Variants in ZC3H12B observed in about 807,000 individuals in gnomAD.
The protein encoded by ZC3H12B is zinc finger CCCH-type containing 12B.
ZC3H12B carries 7 observed loss-of-function variants against 43.9 expected under a neutral mutation model. The ratio of observed to expected loss-of-function variants is 0.16; its 90% CI spans 0.09 to 0.30. The LOEUF is 0.30. Ranked by LOEUF, ZC3H12B falls within the 10% of genes least tolerant of loss-of-function variation. The probability of loss-of-function intolerance (pLI) is 1.00; values close to 1 mark genes in which losing one functional copy is unlikely to be tolerated. For missense variants in ZC3H12B, 475 were observed against 670.2 expected (o/e 0.71, Z 3.22); for synonymous variants, 222 against 241.7 (o/e 0.92, Z 0.76).
chrX:65,489,462 A>G, intron 1 of ZC3H12B, 53 bp downstream of exon 6: 2 of 1,131,679 alleles, frequency 1.8e-6, no homozygotes, highest in Non-Finnish European at 1.2e-6. Context: ...CTGAGCTCAT[A>G]GAAATTTTCT....
the ZC3H12B span, among the ~76,000 whole-genome samples, chrX:65,261,217 A>G: frequency 8.9e-6 from 1 of 111,815 alleles, no homozygotes; most frequent in African/African-American, 3.2e-5. Flanking sequence ...CAGAGCTTTC[A>G]TTATAAAAGA....
At chrX:65,371,130 T>A (rs1165193115) in intron 2 of ZC3H12B, among the ~76,000 whole-genome samples, 1 of 111,660 alleles carries the variant, frequency 9.0e-6, no homozygotes, top group East Asian at 2.8e-4. Flanking sequence ...AGGATGCTAT[T>A]TTATACCTCA....
intron 3 of ZC3H12B, among the ~76,000 whole-genome samples, chrX:65,481,937 T>G (rs1346078224): frequency 8.9e-6 from 1 of 111,755 alleles, no homozygotes; most frequent in African/African-American, 3.3e-5. Context: ...TTTTTGGAAC[T>G]AACTAGACTT....
the ZC3H12B span, among the ~76,000 whole-genome samples, chrX:65,168,101 C>G: frequency 9.0e-6 from 1 of 111,613 alleles, no homozygotes; most frequent in Non-Finnish European, 1.9e-5. Context: ...AGAGGACATC[C>G]CTGTCTTGTG....
At chrX:65,277,299 G>C in the ZC3H12B span, among the ~76,000 whole-genome samples, 3 of 111,306 alleles carry the variant, frequency 2.7e-5, no homozygotes, top group Admixed American at 2.9e-4. Flanking sequence ...GTCAGCATTG[G>C]ACAGACCATT....
chrX:65,108,107 G>A, the ZC3H12B span, among the ~76,000 whole-genome samples: 6 of 111,248 alleles, frequency 5.4e-5, no homozygotes, highest in African/African-American at 2.0e-4. Context: ...TGCAGAACTG[G>A]AAGTTGCTCT....
chrX:65,500,736 A>AGTTTTT (rs762370361), intron 4 of ZC3H12B, among the ~76,000 whole-genome samples: 282 of 106,978 alleles, frequency 2.6e-3, no homozygotes, highest in African/African-American at 9.1e-3. Context: ...GCCCCTTTCC[A>AGTTTTT]GTTTTTGTTT....
the ZC3H12B span, among the ~76,000 whole-genome samples, chrX:65,177,356 G>C: frequency 1.8e-5 from 2 of 111,736 alleles, no homozygotes; most frequent in African/African-American, 6.5e-5. Context: ...CATTCCCTTT[G>C]AAAACAGGCA....
At chrX:65,432,077 A>G (rs918296950) in intron 3 of ZC3H12B, among the ~76,000 whole-genome samples, 1 of 112,249 alleles carries the variant, frequency 8.9e-6, no homozygotes, top group Non-Finnish European at 1.9e-5. Context: ...GAGAGAAGAC[A>G]GGACAGCAGG....
At chrX:65,314,782 C>G in the ZC3H12B span, among the ~76,000 whole-genome samples, 1 of 110,620 alleles carries the variant, frequency 9.0e-6, no homozygotes, top group Non-Finnish European at 1.9e-5. Context: ...ATATATATAA[C>G]TATCTATTGA....
At chrX:65,389,949 C>A (rs2066588817) in intron 2 of ZC3H12B, among the ~76,000 whole-genome samples, 1 of 112,097 alleles carries the variant, frequency 8.9e-6, no homozygotes, top group Admixed American at 9.4e-5. Context: ...TATAAAGACA[C>A]ATGCACACGT....
At chrX:65,448,997 G>GAAAGAAAGAAAGAAAGA (rs1179244017) in intron 3 of ZC3H12B, among the ~76,000 whole-genome samples, 1 of 3,339 alleles carries the variant, frequency 3.0e-4, no homozygotes, top group African/African-American at 6.2e-4. Context: ...AAGAAAGAGA[G>GAAAGAAAGAAAGAAAGA]GAAAGAAAGA....
the ZC3H12B span, among the ~76,000 whole-genome samples, chrX:65,126,057 T>C: frequency 9.1e-6 from 1 of 109,437 alleles, no homozygotes; most frequent in Non-Finnish European, 1.9e-5. Context: ...GTGTTTTTTT[T>C]TTTTTCATTC....
At chrX:65,376,498 C>G (rs2066348292) in intron 2 of ZC3H12B, among the ~76,000 whole-genome samples, 1 of 111,537 alleles carries the variant, frequency 9.0e-6, no homozygotes, top group African/African-American at 3.3e-5. Flanking sequence ...TCAGGTCTGA[C>G]CCAGCACATA....
the ZC3H12B span, among the ~76,000 whole-genome samples, chrX:65,101,728 C>A: frequency 8.9e-6 from 1 of 111,957 alleles, no homozygotes; most frequent in Non-Finnish European, 1.9e-5. Context: ...ATAACAAGTT[C>A]TGAAATTGAG....
chrX:65,119,912 C>G, the ZC3H12B span, among the ~76,000 whole-genome samples: 64 of 111,865 alleles, frequency 5.7e-4, no homozygotes, highest in South Asian at 0.024. Flanking sequence ...GAACCCTTTC[C>G]CCATTTCTGG....
the ZC3H12B span, among the ~76,000 whole-genome samples, chrX:65,231,689 C>T: frequency 9.0e-6 from 1 of 111,073 alleles, no homozygotes; most frequent in Admixed American, 9.6e-5. Flanking sequence ...AAATATGGCT[C>T]TATTCTGCCC....
chrX:65,154,856 A>G, the ZC3H12B span, among the ~76,000 whole-genome samples: 6 of 112,118 alleles, frequency 5.4e-5, no homozygotes, highest in Admixed American at 2.9e-4. Context: ...AATTAATTAA[A>G]AATAGAAATA....
chrX:65,134,668 C>T, the ZC3H12B span, among the ~76,000 whole-genome samples: 3 of 111,313 alleles, frequency 2.7e-5, no homozygotes, highest in African/African-American at 9.8e-5. Context: ...GACAGAGGAC[C>T]GGTCTCCTGA....
Sources: allele counts gnomAD v4.1 joint callset (sites outside exome capture counted in the v4.1 genomes callset), GRCh38; gene constraint gnomAD v4.1.1; transcripts MANE v1.5; gene names NCBI Gene and HGNC (gene_info 2026-07-23, HGNC 2026-07-21).